Variants in XKR4 observed in about 807,000 individuals in gnomAD.
XKR4 encodes XK related 4, also known as XK-related protein 4.
Under a neutral mutation model 53.9 loss-of-function variants are expected in XKR4, and 12 were observed. The observed-to-expected ratio is 0.22, with a 90% CI of 0.14 to 0.36. XKR4 has a LOEUF of 0.36. XKR4 is among the 10% of genes least tolerant of loss of function. The probability of loss-of-function intolerance (pLI) is 1.00; values close to 1 mark genes in which losing one functional copy is unlikely to be tolerated. For synonymous variants in XKR4, 354 were observed against 362.4 expected (o/e 0.98, Z 0.26); for missense variants, 799 against 859.5 (o/e 0.93, Z 0.88).
At chr8:55,160,400 A>G (rs1816967348) in intron 1 of XKR4, among the ~76,000 whole-genome samples, 1 of 152,194 alleles carries the variant, frequency 6.6e-6, no homozygotes, top group South Asian at 2.1e-4. Flanking sequence ...CAGGAGGGTT[A>G]GAATTAGAGG....
intron 1 of XKR4, among the ~76,000 whole-genome samples, chr8:55,172,403 C>A (rs1219791502): frequency 1.3e-5 from 2 of 152,084 alleles, no homozygotes; most frequent in Non-Finnish European, 2.9e-5. Context: ...CTTGCCCCAC[C>A]CATCCAATTG....
chr8:55,366,708 C>G (rs570102923), intron 2 of XKR4, among the ~76,000 whole-genome samples: 1 of 152,178 alleles, frequency 6.6e-6, no homozygotes, highest in Non-Finnish European at 1.5e-5. Flanking sequence ...TATGTCCTGC[C>G]TTTCCTCTGA....
At chr8:55,433,902 CAGGCTTGT>C (rs917319958) in intron 2 of XKR4, among the ~76,000 whole-genome samples, 8 of 152,106 alleles carry the variant, frequency 5.3e-5, no homozygotes, top group Non-Finnish European at 1.2e-4. Context: ...GCGTGGCACA[CAGGCTTGT>C]AGTCCGAGCT....
At chr8:55,133,842 T>C (rs1368197655) in intron 1 of XKR4, among the ~76,000 whole-genome samples, 1 of 152,176 alleles carries the variant, frequency 6.6e-6, no homozygotes, top group Non-Finnish European at 1.5e-5. Context: ...TCACCAATAA[T>C]GGAGATGAAA....
intron 1 of XKR4, among the ~76,000 whole-genome samples, chr8:55,291,920 T>A (rs1819027345): frequency 6.6e-6 from 1 of 152,128 alleles, no homozygotes; most frequent in Non-Finnish European, 1.5e-5. Context: ...TGTCAAATGC[T>A]TTTTATGAAT....
chr8:55,176,785 A>T (rs1047750836), intron 1 of XKR4, among the ~76,000 whole-genome samples: 38 of 152,270 alleles, frequency 2.5e-4, no homozygotes, highest in African/African-American at 8.9e-4. Flanking sequence ...TAAATAATGA[A>T]CTAATGATTG....
rs534607917 is a variant in XKR4 at position 55,516,674 on chromosome 8, G to A, written c.1007-6607G>A. Among the ~76,000 whole-genome samples, 2 of 152,266 alleles carry A rather than the reference G, an allele frequency of 1.3e-5. 1 individual carries two copies. Among genetic ancestry groups the A allele is most frequent in the African/African-American group, 4.8e-5 (2 of 41,562 alleles). On this transcript the variant is annotated intron_variant, in intron 2 of 2. Coordinates refer to ENST00000327381, the MANE Select transcript of XKR4 (RefSeq NM_052898.2). ...AGGGAATGCTTATACACTGTTGGTG[G>A]GAATGTAAATCAGTACAACCTTTAT...
intron 2 of XKR4, among the ~76,000 whole-genome samples, chr8:55,390,537 AACT>A (rs1247422004): frequency 6.6e-6 from 1 of 152,220 alleles, no homozygotes; most frequent in African/African-American, 2.4e-5. Context: ...GACTCTTAGT[AACT>A]TTCTCCCTCC....
At chr8:55,155,358 T>C (rs769864177) in intron 1 of XKR4, among the ~76,000 whole-genome samples, 3 of 152,154 alleles carry the variant, frequency 2.0e-5, no homozygotes, top group Non-Finnish European at 2.9e-5. Context: ...ACATCCTCGA[T>C]GCGAAGCACA....
intron 1 of XKR4, among the ~76,000 whole-genome samples, chr8:55,238,594 C>G (rs1818166512): frequency 6.6e-6 from 1 of 152,042 alleles, no homozygotes; most frequent in Admixed American, 6.6e-5. Context: ...CCATTTTTGC[C>G]CACTTCCCTG....
intron 2 of XKR4, among the ~76,000 whole-genome samples, chr8:55,403,334 C>T (rs942774550): frequency 6.6e-6 from 1 of 152,086 alleles, no homozygotes; most frequent in South Asian, 2.1e-4. Flanking sequence ...AAATAGTTTT[C>T]CTAACATTTT....
At chr8:55,156,218 C>T (rs567111794) in intron 1 of XKR4, among the ~76,000 whole-genome samples, 1 of 149,768 alleles carries the variant, frequency 6.7e-6, no homozygotes, top group East Asian at 2.0e-4. Flanking sequence ...TGGTGGGGGG[C>T]GGGGAGGAAT....
At chr8:55,447,264 C>T (rs1049773134) in intron 2 of XKR4, among the ~76,000 whole-genome samples, 16 of 152,114 alleles carry the variant, frequency 1.1e-4, no homozygotes, top group African/African-American at 3.4e-4. Flanking sequence ...TGTGGCAAGA[C>T]TGAAAAGAGG....
intron 2 of XKR4, among the ~76,000 whole-genome samples, chr8:55,388,284 G>T (rs934717467): frequency 6.6e-6 from 1 of 151,978 alleles, no homozygotes; most frequent in Non-Finnish European, 1.5e-5. Context: ...TTCCTTTTAA[G>T]GCCAAAAATG....
At chr8:55,449,540 TC>T in intron 2 of XKR4, 1 of 1,479,716 alleles carries the variant, frequency 6.8e-7, no homozygotes, top group South Asian at 1.1e-5. Flanking sequence ...CTGGATCCGG[TC>T]CACCCACTGC....
chr8:55,422,026 C>A (rs564673414), intron 2 of XKR4, among the ~76,000 whole-genome samples: 1 of 152,224 alleles, frequency 6.6e-6, no homozygotes, highest in African/African-American at 2.4e-5. Context: ...AGCTTTAAGG[C>A]ATAAAACAAA....
chr8:55,179,112 G>C (rs766705180), intron 1 of XKR4, among the ~76,000 whole-genome samples: 3 of 152,068 alleles, frequency 2.0e-5, no homozygotes, highest in Non-Finnish European at 4.4e-5. Flanking sequence ...AGATTGATTG[G>C]TATGGAGTCA....
chr8:55,526,626 G>T lies in XKR4; in HGVS notation c.*2399G>T, dbSNP rs989607483. On this transcript the variant is annotated 3_prime_UTR_variant, in exon 3 of 3. Coordinates refer to ENST00000327381, the MANE Select transcript of XKR4 (RefSeq NM_052898.2). ...GTTTCCAAGACAACTTTTAACTGAT[G>T]ATCTTTGGAAATTGAGTTTCTCAGT... 1.3e-5 allele frequency: 2 copies of T among 152,184 alleles called. No homozygotes were observed. Among genetic ancestry groups the T allele is most frequent in the Non-Finnish European group, 1.5e-5 (1 of 68,030 alleles). 9.4% of individuals were successfully genotyped at this position (152,184 alleles called of 1,614,324 possible). A position where few individuals can be genotyped will look rare whatever the true frequency, so the allele number is the denominator to read the frequency against.
chr8:55,285,130 A>C (rs896911046), intron 1 of XKR4, among the ~76,000 whole-genome samples: 1 of 152,226 alleles, frequency 6.6e-6, no homozygotes, highest in African/African-American at 2.4e-5. Flanking sequence ...TAAGGGCTTT[A>C]CTACTTGCTA....
Sources: allele counts gnomAD v4.1 joint callset (sites outside exome capture counted in the v4.1 genomes callset), GRCh38; gene constraint gnomAD v4.1.1; transcripts MANE v1.5; gene names NCBI Gene and HGNC (gene_info 2026-07-23, HGNC 2026-07-21).